OR56B2: variants seen among roughly 807,000 people sequenced by gnomAD.
OR56B2 encodes the protein olfactory receptor 56B2.
chr11:5,763,064 T>C, the OR56B2 span, among the ~76,000 whole-genome samples: 1 of 152,104 alleles, frequency 6.6e-6, no homozygotes, highest in Non-Finnish European at 1.5e-5. Context: ...GTATTAAAGT[T>C]TCTTTCAAAA....
chr11:5,768,343 T>C, the OR56B2 span, among the ~76,000 whole-genome samples: 1 of 140,268 alleles, frequency 7.1e-6, no homozygotes, highest in African/African-American at 2.6e-5. Context: ...GTTTCTGAGA[T>C]ATTTCACTTA....
the OR56B2 span, among the ~76,000 whole-genome samples, chr11:5,761,975 ATG>A: frequency 6.6e-6 from 1 of 152,174 alleles, no homozygotes; most frequent in African/African-American, 2.4e-5. Flanking sequence ...ATATATTTAC[ATG>A]TGTGTCTTTC....
At chr11:5,768,456 T>TA in the OR56B2 span, among the ~76,000 whole-genome samples, 2 of 140,192 alleles carry the variant, frequency 1.4e-5, no homozygotes, top group African/African-American at 2.6e-5. Flanking sequence ...ACATTTTTTT[T>TA]ATCCAGTCAT....
At chr11:5,765,792 G>A in the OR56B2 span, 2 of 140,278 alleles carry the variant, frequency 1.4e-5, no homozygotes, top group Non-Finnish European at 3.2e-5. Flanking sequence ...ACTTTACTCT[G>A]TCCTGAAGCT....
the OR56B2 span, among the ~76,000 whole-genome samples, chr11:5,762,211 T>TTG: frequency 2.0e-5 from 3 of 152,032 alleles, no homozygotes; most frequent in Non-Finnish European, 2.9e-5. Context: ...TGTATTTTTT[T>TTG]TCTTTACTAA....
the OR56B2 span, among the ~76,000 whole-genome samples, chr11:5,764,404 A>G: frequency 1.4e-5 from 2 of 140,886 alleles, 1 homozygote; most frequent in Non-Finnish European, 3.1e-5. Context: ...GCAAGTAGAA[A>G]TAAGTAACAC....
chr11:5,768,327 TTTTCTG>T, the OR56B2 span, among the ~76,000 whole-genome samples: 1,964 of 140,300 alleles, frequency 0.014, 357 homozygotes, highest in Non-Finnish European at 0.022. Flanking sequence ...TGGTATTTGC[TTTTCTG>T]TTTCTGAGAT....
chr11:5,768,479 A>C, the OR56B2 span, among the ~76,000 whole-genome samples: 1 of 139,684 alleles, frequency 7.2e-6, no homozygotes, highest in Non-Finnish European at 1.6e-5. Flanking sequence ...GTTGATGGAC[A>C]CAGGTTGATT....
At chr11:5,765,018 T>C in the OR56B2 span, 6 of 140,492 alleles carry the variant, frequency 4.3e-5, 1 homozygote, top group Non-Finnish European at 9.5e-5. Context: ...CACACCTCAA[T>C]ATCATGATGC....
the OR56B2 span, chr11:5,765,211 TG>T: frequency 5.4e-6 from 1 of 183,624 alleles, no homozygotes; most frequent in Non-Finnish European, 1.2e-5. Flanking sequence ...TCCCTGCCCC[TG>T]GCTCTGCTCT....
chr11:5,763,956 T>G, the OR56B2 span, among the ~76,000 whole-genome samples: 2 of 140,648 alleles, frequency 1.4e-5, 1 homozygote, highest in Non-Finnish European at 3.1e-5. Context: ...AACCTTATTT[T>G]GTTACAAGTA....
At chr11:5,764,039 T>C in the OR56B2 span, among the ~76,000 whole-genome samples, 1 of 141,000 alleles carries the variant, frequency 7.1e-6, no homozygotes, top group African/African-American at 2.6e-5. Context: ...GTAGACTCTA[T>C]AATTTTAGCG....
the OR56B2 span, among the ~76,000 whole-genome samples, chr11:5,761,796 G>T: frequency 2.6e-5 from 4 of 152,000 alleles, no homozygotes; most frequent in South Asian, 4.1e-4. Flanking sequence ...TTTTAATTAG[G>T]CATTTTAATA....
the OR56B2 span, among the ~76,000 whole-genome samples, chr11:5,762,101 TAC>T: frequency 3.9e-5 from 6 of 152,238 alleles, no homozygotes. Context: ...GAATAAATTG[TAC>T]AGTTTTCTTC....
At chr11:5,767,279 A>G in the OR56B2 span, 2 of 139,142 alleles carry the variant, frequency 1.4e-5, 1 homozygote, top group East Asian at 4.2e-4. Flanking sequence ...AGTAACTGCC[A>G]CAAGAATAGC....
chr11:5,766,551 T>C, the OR56B2 span: 1 of 140,064 alleles, frequency 7.1e-6, no homozygotes, highest in African/African-American at 2.6e-5. Flanking sequence ...TATATGCAAA[T>C]GTCCAAAAAA....
the OR56B2 span, among the ~76,000 whole-genome samples, chr11:5,767,631 A>G: frequency 7.1e-6 from 1 of 140,070 alleles, no homozygotes; most frequent in Admixed American, 7.4e-5. Context: ...TGATTGAATT[A>G]AAAATTGCTA....
the OR56B2 span, among the ~76,000 whole-genome samples, chr11:5,767,632 A>G: frequency 1.4e-5 from 2 of 140,030 alleles, 1 homozygote; most frequent in African/African-American, 5.2e-5. Context: ...GATTGAATTA[A>G]AAATTGCTAA....
chr11:5,763,727 A>T, the OR56B2 span, among the ~76,000 whole-genome samples: 3 of 140,660 alleles, frequency 2.1e-5, 1 homozygote, highest in Non-Finnish European at 1.6e-5. Flanking sequence ...ACATAATATA[A>T]ATTGAGTGCT....
Sources: allele counts gnomAD v4.1 joint callset (sites outside exome capture counted in the v4.1 genomes callset), GRCh38; gene constraint gnomAD v4.1.1; transcripts MANE v1.5; gene names NCBI Gene and HGNC (gene_info 2026-07-23, HGNC 2026-07-21).